MYO9A: variants seen among roughly 807,000 people sequenced by gnomAD.
MYO9A encodes myosin IXA.
A neutral mutation model predicts 293.3 loss-of-function variants in MYO9A; 103 were observed. The observed-to-expected ratio is 0.35, with a 90% CI of 0.30 to 0.41. The LOEUF (loss-of-function observed/expected upper bound fraction) is 0.41, where lower values mean the gene tolerates loss of function less well. Among genes scored for constraint, MYO9A ranks in the 10% least tolerant of loss-of-function variants. The pLI, the probability that MYO9A is intolerant of heterozygous loss-of-function variation, is 1.00. For synonymous variants in MYO9A, 1,001 were observed against 1,035.7 expected, an observed-to-expected ratio of 0.97 and a Z score of 0.64; for missense variants, 2,685 against 3,033.0, an observed-to-expected ratio of 0.89 and a Z score of 2.69.
At chr15:71,869,309 C>A (rs2056435038) in intron 32 of MYO9A, among the ~76,000 whole-genome samples, 1 of 152,144 alleles carries the variant, frequency 6.6e-6, no homozygotes, top group South Asian at 2.1e-4. Context: ...TGATACCACA[C>A]AATGAAAAAT....
At position 71,888,091 on chromosome 15, in the gene MYO9A, T is replaced by C. The variant is rs191756580; in HGVS notation, c.5168A>G (p.Asp1723Gly). Reference protein sequence around the residue: ...RETSQRFSSVDEQAKLHKTMS... With the variant: ...RETSQRFSSVGEQAKLHKTMS... ...AGTCTTATGAAGTTTTGCTTGTTCA[T>C]CAACTGACGAAAATCGCTGTGATGT... The change falls in exon 27 of 42, where the codon GAT (aspartate) becomes GGT (glycine). Residue 1723 changes from aspartate (D) to glycine (G), a missense_variant. Transcript: ENST00000356056. 1 of 1,607,726 alleles carries C rather than the reference T, an allele frequency of 6.2e-7. No individual in the cohort carries two copies. The highest frequency in any genetic ancestry group is 8.5e-7 in the Non-Finnish European group (1 of 1,176,594).
At chr15:71,828,481 T>C (rs1055803686) in intron 40 of MYO9A, among the ~76,000 whole-genome samples, 1 of 152,202 alleles carries the variant, frequency 6.6e-6, no homozygotes, top group Non-Finnish European at 1.5e-5. Flanking sequence ...TGAAGCTTAC[T>C]AACTGGCTAT....
intron 10 of MYO9A, among the ~76,000 whole-genome samples, chr15:71,994,191 A>G (rs942348996): frequency 6.6e-6 from 1 of 152,164 alleles, no homozygotes; most frequent in Non-Finnish European, 1.5e-5. Flanking sequence ...GGTAAAAAAA[A>G]TACATATATT....
chr15:71,951,132 T>C (rs1047768465), intron 15 of MYO9A, among the ~76,000 whole-genome samples: 5 of 152,184 alleles, frequency 3.3e-5, no homozygotes, highest in African/African-American at 9.7e-5. Context: ...AAAACATTAA[T>C]GCGGTGGTTT....
intron 1 of MYO9A, among the ~76,000 whole-genome samples, chr15:72,057,896 T>C (rs1210537446): frequency 3.9e-5 from 6 of 152,200 alleles, no homozygotes; most frequent in Non-Finnish European, 8.8e-5. Flanking sequence ...CCTGAGCCAC[T>C]CTGAGGTAGG....
At chr15:71,933,583 G>GT in intron 18 of MYO9A, 87 bp downstream of exon 18, 1 of 1,223,964 alleles carries the variant, frequency 8.2e-7, no homozygotes, top group East Asian at 2.3e-5. Flanking sequence ...GTTATTTCTT[G>GT]TTTTTTGATG....
intron 2 of MYO9A, among the ~76,000 whole-genome samples, chr15:72,042,350 A>G (rs943000099): frequency 3.9e-5 from 6 of 152,118 alleles, no homozygotes; most frequent in African/African-American, 1.4e-4. Context: ...AATTTTTTTA[A>G]TGAGAAAGAA....
chr15:72,048,791 C>T (rs1487300757), intron 1 of MYO9A, among the ~76,000 whole-genome samples: 1 of 152,162 alleles, frequency 6.6e-6, no homozygotes, highest in Non-Finnish European at 1.5e-5. Context: ...ATTGACTTTA[C>T]AGATTAATAT....
intron 40 of MYO9A, among the ~76,000 whole-genome samples, chr15:71,828,316 G>T (rs772569251): frequency 6.6e-6 from 1 of 152,182 alleles, no homozygotes; most frequent in Non-Finnish European, 1.5e-5. Context: ...ACTCTGGACT[G>T]ATAAGCAGGA....
At chr15:71,925,211 GTGTATATATACACATA>G (rs2058266664) in intron 18 of MYO9A, among the ~76,000 whole-genome samples, 1 of 5,950 alleles carries the variant, frequency 1.7e-4, no homozygotes, top group Admixed American at 1.6e-3. Context: ...ATATATACAT[GTGTATATATACACATA>G]TATACACATA....
chr15:71,854,640 C>T (rs1434476153), intron 34 of MYO9A, 71 bp from the exon 35 acceptor site: 1 of 1,223,336 alleles, frequency 8.2e-7, no homozygotes, highest in African/African-American at 1.6e-5. Context: ...CATTTCTTTA[C>T]CAGGAGCTAC....
At chr15:71,896,189 A>G (rs2057321576) in intron 25 of MYO9A, among the ~76,000 whole-genome samples, 1 of 152,218 alleles carries the variant, frequency 6.6e-6, no homozygotes, top group Non-Finnish European at 1.5e-5. Context: ...TCTCTTGCCC[A>G]CATTTACAAA....
Position 71,826,702 on chromosome 15 carries a change from G to A in MYO9A, c.7525C>T (p.Pro2509Ser). The change falls in exon 42 of 42, where the codon CCT (proline) becomes TCT (serine). Residue 2509 changes from proline (P) to serine (S), a missense_variant. Pro to Ser is a moderately conservative substitution (Grantham distance 74). Coordinates refer to ENST00000356056, the MANE Select transcript of MYO9A (RefSeq NM_006901.4). The stretch of plus-strand genomic sequence containing the variant: ...TCTGGGGTCTCTTTGGTTTTCTGAG[G>A]TGAGTTTTTCACATTCTTTAATTTT... ...KQKLKNVKNS[P>S]QKTKETPEGT... 1.2e-6 allele frequency: 2 copies of A among 1,614,116 alleles called. No homozygotes were observed. Among genetic ancestry groups the A allele is most frequent in the Non-Finnish European group, 1.7e-6 (2 of 1,179,984 alleles).
At chr15:71,894,168 G>C (rs539446782) in intron 25 of MYO9A, among the ~76,000 whole-genome samples, 3 of 152,260 alleles carry the variant, frequency 2.0e-5, no homozygotes, top group African/African-American at 7.2e-5. Context: ...CTGAAAAATA[G>C]CCATCCAGGG....
rs150215253 is a variant in MYO9A, at chr15:71,954,564, G to T, written c.2183-2668C>A. 1.7e-3 allele frequency among the ~76,000 whole-genome samples: 258 copies of T among 152,330 alleles called. 3 individuals carry two copies. The highest frequency in any genetic ancestry group is 5.6e-3 in the African/African-American group (234 of 41,584). On this transcript the variant is annotated intron_variant, in intron 14 of 41. Transcript: ENST00000356056. ...ATTTGCTTATGCTAGTTGCTGGACT[G>T]GTTGTGATGATAATTTCTTAGTTTG...
intron 12 of MYO9A, among the ~76,000 whole-genome samples, chr15:71,977,694 G>A (rs962187121): frequency 1.3e-5 from 2 of 151,942 alleles, no homozygotes; most frequent in Admixed American, 6.6e-5. Context: ...AGAAAAAAAT[G>A]AATTCAAGTA....
intron 2 of MYO9A, among the ~76,000 whole-genome samples, chr15:72,033,661 A>G: frequency 6.6e-6 from 1 of 152,186 alleles, no homozygotes; most frequent in East Asian, 1.9e-4. Context: ...ATATCTACAA[A>G]GGGGCACAAT....
intron 12 of MYO9A, among the ~76,000 whole-genome samples, chr15:71,972,780 T>C (rs891668468): frequency 6.6e-6 from 1 of 152,120 alleles, no homozygotes; most frequent in Non-Finnish European, 1.5e-5. Context: ...GGGTAGAAGA[T>C]GAGAAACCTT....
intron 10 of MYO9A, among the ~76,000 whole-genome samples, chr15:71,992,061 T>C (rs1567355957): frequency 6.6e-6 from 1 of 152,032 alleles, no homozygotes; most frequent in African/African-American, 2.4e-5. Flanking sequence ...GGCCAGAACA[T>C]ACGGTTTCGT....
Sources: allele counts gnomAD v4.1 joint callset (sites outside exome capture counted in the v4.1 genomes callset), GRCh38; gene constraint gnomAD v4.1.1; transcripts MANE v1.5; gene names NCBI Gene and HGNC (gene_info 2026-07-23, HGNC 2026-07-21).